EFNA5: variants seen among roughly 807,000 people sequenced by gnomAD.
The protein encoded by EFNA5 is ephrin A5, also known as ephrin-A5.
EFNA5 carries 5 observed loss-of-function variants against 22.9 expected under a neutral mutation model. The ratio of observed to expected loss-of-function variants is 0.22; its 90% confidence interval spans 0.11 to 0.46. The LOEUF (loss-of-function observed/expected upper bound fraction) is 0.46. Ranked by LOEUF, EFNA5 falls within the 20% of genes least tolerant of loss-of-function variation. EFNA5 has a pLI of 0.99. For missense variants in EFNA5, 237 were observed against 293.3 expected (o/e 0.81, Z 1.40); for synonymous variants, 113 against 112.2 (o/e 1.01, Z -0.04).
chr5:107,479,331 T>C (rs901342289), intron 1 of EFNA5, among the ~76,000 whole-genome samples: 1 of 152,204 alleles, frequency 6.6e-6, no homozygotes, highest in African/African-American at 2.4e-5. Context: ...CACTTCCTTT[T>C]ACATATGGTG....
intron 2 of EFNA5, among the ~76,000 whole-genome samples, chr5:107,420,757 G>A (rs1271942538): frequency 6.6e-6 from 1 of 152,038 alleles, no homozygotes; most frequent in Non-Finnish European, 1.5e-5. Context: ...TTTGCCATAT[G>A]TGGTTTATTA....
At chr5:107,398,680 C>T (rs139444079) in intron 2 of EFNA5, among the ~76,000 whole-genome samples, 130 of 151,574 alleles carry the variant, frequency 8.6e-4, no homozygotes, top group African/African-American at 3.1e-3. Context: ...GACCCTGTCT[C>T]TATATAAAAA....
At chr5:107,518,741 C>T (rs569843504) in intron 1 of EFNA5, among the ~76,000 whole-genome samples, 1 of 152,314 alleles carries the variant, frequency 6.6e-6, no homozygotes, top group South Asian at 2.1e-4. Flanking sequence ...AAAAGCAACA[C>T]TAGTTCCTAC....
At chr5:107,646,072 C>T (rs1240024511) in intron 1 of EFNA5, among the ~76,000 whole-genome samples, 2 of 152,144 alleles carry the variant, frequency 1.3e-5, no homozygotes, top group Non-Finnish European at 2.9e-5. Context: ...TAAAGCACAG[C>T]TCTTTTTCTG....
At chr5:107,387,135 C>G (rs1401059777) in intron 4 of EFNA5, 100 bp downstream of exon 4, 13 of 768,292 alleles carry the variant, frequency 1.7e-5, no homozygotes, top group Non-Finnish European at 1.3e-5. Context: ...AGAACAACAA[C>G]TATAACATGC....
At chr5:107,424,037 T>C (rs1427802574) in intron 2 of EFNA5, among the ~76,000 whole-genome samples, 3 of 152,110 alleles carry the variant, frequency 2.0e-5, no homozygotes, top group Non-Finnish European at 4.4e-5. Flanking sequence ...CTCTAAGTAA[T>C]GAGGTGAATA....
intron 1 of EFNA5, among the ~76,000 whole-genome samples, chr5:107,669,874 C>G (rs1234670854): frequency 6.6e-6 from 1 of 152,002 alleles, no homozygotes; most frequent in Admixed American, 6.5e-5. Flanking sequence ...CACTGCCAGG[C>G]GCGCCGGGCC....
At chr5:107,561,878 C>T (rs771901593) in intron 1 of EFNA5, among the ~76,000 whole-genome samples, 2 of 151,976 alleles carry the variant, frequency 1.3e-5, no homozygotes, top group Non-Finnish European at 2.9e-5. Flanking sequence ...TCATTTACCA[C>T]TTTAGACATG....
intron 1 of EFNA5, 145 bp from the exon 2 acceptor site, chr5:107,427,654 G>A: frequency 3.0e-6 from 2 of 675,444 alleles, no homozygotes; most frequent in East Asian, 3.0e-5. Context: ...TTTGGGGCAT[G>A]GTTTGAAATG....
At chr5:107,666,235 G>A (rs1036636368) in intron 1 of EFNA5, among the ~76,000 whole-genome samples, 3 of 151,874 alleles carry the variant, frequency 2.0e-5, no homozygotes, top group Non-Finnish European at 2.9e-5. Flanking sequence ...GTATACATAT[G>A]TCAAAATGAT....
Position 107,670,916 on chromosome 5 carries a change from C to A in EFNA5, c.-303G>T. On this transcript the variant is annotated 5_prime_UTR_variant, in exon 1 of 5. Coordinates refer to ENST00000333274, the MANE Select transcript of EFNA5 (RefSeq NM_001962.3). Reference sequence around the variant, plus strand: ...GAAGCGTGCGTGTGTGTGGTGGCGGCGGCGAGGGCGGGGGAAGAGGTGCCA... The same window carrying A: ...GAAGCGTGCGTGTGTGTGGTGGCGGAGGCGAGGGCGGGGGAAGAGGTGCCA... 3.5e-6 allele frequency: 1 copy of A among 285,638 alleles called. No homozygotes were observed. The highest frequency in any genetic ancestry group is 6.5e-6 in the Non-Finnish European group (1 of 154,310). The allele number at this position is 285,638 out of a possible 1,614,324, so 17.7% of individuals were successfully genotyped here.
At chr5:107,446,262 G>A (rs1464549165) in intron 1 of EFNA5, among the ~76,000 whole-genome samples, 1 of 151,862 alleles carries the variant, frequency 6.6e-6, no homozygotes, top group African/African-American at 2.4e-5. Context: ...CAAAGTAAGA[G>A]GAATATATTC....
chr5:107,427,006 C>G, intron 2 of EFNA5: 1 of 577,584 alleles, frequency 1.7e-6, no homozygotes, highest in Non-Finnish European at 3.0e-6. Flanking sequence ...CAGGCTGACA[C>G]GTAATTTCAT....
At chr5:107,471,679 T>C (rs1016775765) in intron 1 of EFNA5, among the ~76,000 whole-genome samples, 6 of 152,198 alleles carry the variant, frequency 3.9e-5, no homozygotes, top group Admixed American at 1.3e-4. Flanking sequence ...TTGTAAATTA[T>C]GGGTAGGGCA....
intron 1 of EFNA5, among the ~76,000 whole-genome samples, chr5:107,577,915 A>G (rs748944726): frequency 4.6e-5 from 7 of 152,176 alleles, no homozygotes; most frequent in Non-Finnish European, 8.8e-5. Flanking sequence ...GCTGTGGAAG[A>G]CTTCCTGAAA....
At chr5:107,538,038 C>T (rs1294544231) in intron 1 of EFNA5, among the ~76,000 whole-genome samples, 1 of 151,982 alleles carries the variant, frequency 6.6e-6, no homozygotes, top group Non-Finnish European at 1.5e-5. Context: ...GGTGGACCTT[C>T]GACTGAGTCT....
chr5:107,517,612 T>A (rs1200239915), intron 1 of EFNA5, among the ~76,000 whole-genome samples: 1 of 152,220 alleles, frequency 6.6e-6, no homozygotes, highest in Non-Finnish European at 1.5e-5. Flanking sequence ...TATGCCAAGA[T>A]ATGAAAATCA....
At chr5:107,568,598 C>T (rs899284549) in intron 1 of EFNA5, among the ~76,000 whole-genome samples, 2 of 152,290 alleles carry the variant, frequency 1.3e-5, no homozygotes, top group South Asian at 4.1e-4. Context: ...CTTCCATTGG[C>T]CATCCTCAAA....
intron 1 of EFNA5, among the ~76,000 whole-genome samples, chr5:107,496,663 G>C (rs917770014): frequency 6.6e-5 from 10 of 152,206 alleles, no homozygotes; most frequent in African/African-American, 2.4e-4. Flanking sequence ...AACAGCTGGT[G>C]CTGTCTGTTG....
Sources: allele counts gnomAD v4.1 joint callset (sites outside exome capture counted in the v4.1 genomes callset), GRCh38; gene constraint gnomAD v4.1.1; transcripts MANE v1.5; gene names NCBI Gene and HGNC (gene_info 2026-07-23, HGNC 2026-07-21).